The following TTC7A variants were observed in gnomAD, a reference collection of about 807,000 sequenced individuals.
TTC7A encodes the protein tetratricopeptide repeat domain 7A.
A neutral mutation model predicts 103.7 loss-of-function variants in TTC7A; 110 were observed. The observed-to-expected ratio is 1.06, with a 90% CI of 0.91 to 1.24. The LOEUF (loss-of-function observed/expected upper bound fraction) is 1.24. Among genes scored for constraint, TTC7A ranks in the 50% most tolerant of loss-of-function variants. The pLI is 0.00. For missense variants in TTC7A, 1,340 were observed against 1,116.3 expected, an observed-to-expected ratio of 1.20 and a Z score of -2.86; for synonymous variants, 521 against 467.9, an observed-to-expected ratio of 1.11 and a Z score of -1.47.
intron 3 of TTC7A, among the ~76,000 whole-genome samples, chr2:46,970,181 G>A (rs1458530895): frequency 6.6e-6 from 1 of 152,094 alleles, no homozygotes; most frequent in Non-Finnish European, 1.5e-5. Flanking sequence ...GGGGGGACGG[G>A]GTTTCACCAT....
At chr2:47,067,982 G>T (rs1684320800) in intron 19 of TTC7A, 2 of 152,246 alleles carry the variant, frequency 1.3e-5, no homozygotes, top group African/African-American at 2.4e-5. Context: ...CTTGTGGACA[G>T]GACAAGAGTG....
intron 5 of TTC7A, among the ~76,000 whole-genome samples, chr2:46,989,814 G>A (rs866024635): frequency 1.1e-5 from 1 of 93,028 alleles, no homozygotes; most frequent in Non-Finnish European, 2.2e-5. Flanking sequence ...GTGTGTGTGT[G>A]TGCATCTGTG....
At chr2:47,067,616 C>G (rs927518112) in intron 19 of TTC7A, among the ~76,000 whole-genome samples, 6 of 152,156 alleles carry the variant, frequency 3.9e-5, no homozygotes, top group African/African-American at 1.4e-4. Flanking sequence ...TGGAGCAGGG[C>G]CTTCAAGTTC....
intron 9 of TTC7A, 131 bp from the exon 10 acceptor site, chr2:47,006,510 C>T (rs1300145993): frequency 5.2e-6 from 4 of 776,386 alleles, no homozygotes; most frequent in Non-Finnish European, 6.6e-6. Context: ...GGGTGTCTCC[C>T]AGGAGCCAAG....
intron 5 of TTC7A, among the ~76,000 whole-genome samples, chr2:46,980,200 A>G (rs1002561445): frequency 1.4e-5 from 2 of 144,444 alleles, no homozygotes; most frequent in Non-Finnish European, 3.0e-5. Flanking sequence ...GTTTTCTTCT[A>G]CCCTATACTC....
chr2:46,934,812 TTTTTTTTG>T, intron 2 of TTC7A, among the ~76,000 whole-genome samples: 1 of 133,978 alleles, frequency 7.5e-6, no homozygotes, highest in African/African-American at 2.9e-5. Context: ...TTTTTTTTTT[TTTTTTTTG>T]AGACTGAGTC....
intron 15 of TTC7A, among the ~76,000 whole-genome samples, chr2:47,043,074 A>G (rs1171936208): frequency 6.6e-6 from 1 of 152,224 alleles, no homozygotes; most frequent in Non-Finnish European, 1.5e-5. Context: ...GGGCTCCGCC[A>G]GGCTTCCTGA....
intron 19 of TTC7A, among the ~76,000 whole-genome samples, chr2:47,061,825 TAAATATAGTGATCTGG>T (rs368474852): frequency 0.012 from 1,822 of 152,306 alleles, 41 homozygotes; most frequent in African/African-American, 0.042. Context: ...TGTATCCGGA[TAAATATAGTGATCTGG>T]AAGCTTGCAA....
At chr2:46,961,576 C>CAAATAAATAAATAAATAAATAAATAAAT (rs58889946) in intron 3 of TTC7A, among the ~76,000 whole-genome samples, 27 of 135,134 alleles carry the variant, frequency 2.0e-4, no homozygotes, top group African/African-American at 2.5e-4. Context: ...GACTCCATCT[C>CAAATAAATAAATAAATAAATAAATAAAT]AAATAAATAA....
chr2:47,047,226 T>C, intron 16 of TTC7A: 1 of 1,284,164 alleles, frequency 7.8e-7, no homozygotes, highest in Non-Finnish European at 1.1e-6. Flanking sequence ...CCCTGAGGCC[T>C]CAGGGGACCC....
intron 3 of TTC7A, among the ~76,000 whole-genome samples, chr2:46,971,602 G>T (rs1673362389): frequency 2.5e-5 from 2 of 80,092 alleles, no homozygotes; most frequent in African/African-American, 7.6e-5. Flanking sequence ...AGGCAGGGAG[G>T]CCAGTTAGGC....
intron 2 of TTC7A, among the ~76,000 whole-genome samples, chr2:46,954,351 C>G (rs543993354): frequency 6.6e-6 from 1 of 152,080 alleles, no homozygotes; most frequent in Non-Finnish European, 1.5e-5. Context: ...CAAGGGGTTC[C>G]GTTCCCTGAC....
At chr2:47,013,020 T>TCTA (rs1259985896) in intron 11 of TTC7A, among the ~76,000 whole-genome samples, 2 of 152,212 alleles carry the variant, frequency 1.3e-5, no homozygotes, top group Non-Finnish European at 2.9e-5. Flanking sequence ...GCCCACCCAC[T>TCTA]GGGTACCCTA....
At chr2:47,015,017 G>A (rs1368301391) in intron 11 of TTC7A, among the ~76,000 whole-genome samples, 2 of 152,260 alleles carry the variant, frequency 1.3e-5, no homozygotes, top group Admixed American at 6.5e-5. Context: ...TGATTCGGGG[G>A]TTTGCACCAG....
At chr2:47,004,612 A>G (rs757994591) in intron 8 of TTC7A, among the ~76,000 whole-genome samples, 1 of 152,040 alleles carries the variant, frequency 6.6e-6, no homozygotes, top group Non-Finnish European at 1.5e-5. Flanking sequence ...GTACAGAAGG[A>G]GGCTCAGACA....
chr2:47,050,129 C>A (rs868823447), intron 17 of TTC7A, 83 bp downstream of exon 17: 4 of 1,213,538 alleles, frequency 3.3e-6, no homozygotes, highest in African/African-American at 3.0e-5. Context: ...CAGAGAGGGG[C>A]CGGGCCCTCT....
intron 2 of TTC7A, among the ~76,000 whole-genome samples, chr2:46,919,071 T>G (rs1197681840): frequency 6.6e-6 from 1 of 152,214 alleles, no homozygotes; most frequent in African/African-American, 2.4e-5. Flanking sequence ...TCAGCTGTTT[T>G]GAATTGTCTC....
intron 2 of TTC7A, among the ~76,000 whole-genome samples, chr2:46,954,565 C>T (rs1239991765): frequency 7.7e-6 from 1 of 129,940 alleles, no homozygotes; most frequent in Non-Finnish European, 1.6e-5. Flanking sequence ...GAACTAAGAG[C>T]CTTTTTTTTT....
chr2:46,942,257 C>T (rs957236123), intron 1 of TTC7A, among the ~76,000 whole-genome samples: 1 of 151,946 alleles, frequency 6.6e-6, no homozygotes, highest in Non-Finnish European at 1.5e-5. Context: ...GGGACACATC[C>T]AGCTCTAGCA....
Sources: gnomAD v4.1 joint callset for allele counts (sites outside exome capture counted in the v4.1 genomes callset) on GRCh38, gnomAD v4.1.1 for gene constraint, MANE v1.5 for transcripts, NCBI Gene and HGNC (gene_info 2026-07-23, HGNC 2026-07-21) for gene names.